PRKN: variants seen among roughly 807,000 people sequenced by gnomAD.
PRKN encodes parkin RBR E3 ubiquitin protein ligase.
In PRKN, 56 loss-of-function variants were observed where a neutral mutation model predicts 59.5. That is an observed-to-expected ratio of 0.94 (90% CI 0.76 to 1.18). The LOEUF is 1.18. PRKN is among the 50% of genes most tolerant of loss of function. The pLI, the probability that PRKN is intolerant of heterozygous loss-of-function variation, is 0.00. For synonymous variants in PRKN, 250 were observed against 222.1 expected (o/e 1.13, Z -1.12); for missense variants, 657 against 596.4 (o/e 1.10, Z -1.06).
intron 1 of PRKN, among the ~76,000 whole-genome samples, chr6:162,459,308 T>C (rs978693035): frequency 3.9e-5 from 6 of 152,078 alleles, no homozygotes; most frequent in African/African-American, 9.7e-5. Flanking sequence ...AAAACAGAAG[T>C]TATAAATAAT....
intron 6 of PRKN, among the ~76,000 whole-genome samples, chr6:161,809,607 C>T (rs1791479037): frequency 6.6e-6 from 1 of 152,162 alleles, no homozygotes. Context: ...CATTATTTAA[C>T]ATGTAAGTCA....
At chr6:161,959,216 T>C (rs1486278991) in intron 6 of PRKN, among the ~76,000 whole-genome samples, 1 of 152,154 alleles carries the variant, frequency 6.6e-6, no homozygotes, top group African/African-American at 2.4e-5. Flanking sequence ...TTCAAATAAG[T>C]ATTTGCTGCT....
chr6:161,888,904 C>T (rs562802438), intron 6 of PRKN, among the ~76,000 whole-genome samples: 1 of 152,122 alleles, frequency 6.6e-6, no homozygotes, highest in African/African-American at 2.4e-5. Flanking sequence ...TACTTACTGA[C>T]AAAGTCTCTC....
At chr6:161,639,845 T>C (rs1783672550) in intron 7 of PRKN, among the ~76,000 whole-genome samples, 2 of 152,242 alleles carry the variant, frequency 1.3e-5, no homozygotes, top group African/African-American at 4.8e-5. Context: ...TTGATATTTT[T>C]GCACAAGGCG....
At chr6:162,637,658 T>C (rs934335355) in intron 1 of PRKN, among the ~76,000 whole-genome samples, 2 of 152,174 alleles carry the variant, frequency 1.3e-5, no homozygotes, top group African/African-American at 4.8e-5. Context: ...CTTTTCCCTA[T>C]TAACTCTGAC....
At chr6:161,699,048 G>A (rs1028438122) in intron 7 of PRKN, among the ~76,000 whole-genome samples, 4 of 152,098 alleles carry the variant, frequency 2.6e-5, no homozygotes, top group African/African-American at 9.7e-5. Flanking sequence ...AATAATAAAA[G>A]TGTAATTAAG....
chr6:162,021,710 T>G (rs1378400433), intron 5 of PRKN, among the ~76,000 whole-genome samples: 3 of 152,094 alleles, frequency 2.0e-5, no homozygotes, highest in African/African-American at 4.8e-5. Flanking sequence ...TTTTAAATTT[T>G]AAATCCAGGT....
chr6:161,411,814 C>T (rs138957268), intron 9 of PRKN, among the ~76,000 whole-genome samples: 48 of 150,564 alleles, frequency 3.2e-4, no homozygotes, highest in East Asian at 2.6e-3. Flanking sequence ...CTCATTCCTC[C>T]ACTCATTCAT....
intron 2 of PRKN, among the ~76,000 whole-genome samples, chr6:162,396,751 C>A (rs1312657686): frequency 6.6e-6 from 1 of 152,164 alleles, no homozygotes; most frequent in African/African-American, 2.4e-5. Context: ...CCCATATGCA[C>A]ATGCACACAC....
chr6:161,358,955 C>A lies in PRKN; in HGVS notation c.1285+1133G>T, dbSNP rs187809403. Among the ~76,000 whole-genome samples, 5 of 151,972 alleles carry A rather than the reference C, an allele frequency of 3.3e-5. 1 individual carries two copies. Among genetic ancestry groups the A allele is most frequent in the African/African-American group, 1.2e-4 (5 of 41,474 alleles). On this transcript the variant is annotated intron_variant, in intron 11 of 11. Coordinates refer to ENST00000366898, the MANE Select transcript of PRKN (RefSeq NM_004562.3). The stretch of plus-strand genomic sequence containing the variant: ...GACTACAGGCGCCCGCCACCACACC[C>A]GGCTAATTTTTTGTATTTTTAGTAG...
Position 161,497,554 on chromosome 6 carries a change from GTCTC to G in PRKN, c.1083+51296_1083+51299del, listed in dbSNP as rs34342732. Among the ~76,000 whole-genome samples the G allele has an allele frequency of 4.7e-3, 695 of 148,638 alleles. 3 individuals are homozygous for G. Among genetic ancestry groups the G allele is most frequent in the African/African-American group, 0.013 (519 of 40,190 alleles). ...CTGTGTGTGTGCACAGTGCTTACAT[GTCTC>G]TCTCTCTCTCTCTCTCTCTCACACA... is the stretch of plus-strand genomic sequence containing the variant. On this transcript the variant is annotated intron_variant, in intron 9 of 11. Transcript: ENST00000366898. The surrounding 1 kb of genome is among the most constrained non-coding windows in gnomAD (Gnocchi z 4.6).
intron 2 of PRKN, among the ~76,000 whole-genome samples, chr6:162,401,095 G>A (rs10455906): frequency 0.24 from 37,141 of 151,900 alleles, 4,570 homozygotes; most frequent in African/African-American, 0.26. Context: ...AAAAGCAAGT[G>A]TTTTTAAAAA....
chr6:161,936,467 C>G (rs992562913), intron 6 of PRKN, among the ~76,000 whole-genome samples: 5 of 152,042 alleles, frequency 3.3e-5, no homozygotes, highest in African/African-American at 1.2e-4. Flanking sequence ...CCTTTGCCTC[C>G]CAAAGTGCTG....
intron 6 of PRKN, among the ~76,000 whole-genome samples, chr6:161,798,892 C>A (rs947718451): frequency 7.2e-5 from 11 of 152,154 alleles, no homozygotes; most frequent in Non-Finnish European, 1.5e-5. Context: ...GGTCAGGCGC[C>A]CCTCCACTGT....
At chr6:161,699,783 C>T (rs904555584) in intron 7 of PRKN, among the ~76,000 whole-genome samples, 2 of 152,082 alleles carry the variant, frequency 1.3e-5, no homozygotes, top group African/African-American at 4.8e-5. Context: ...AGAAGTTCAC[C>T]GTCCTGATGG....
intron 6 of PRKN, among the ~76,000 whole-genome samples, chr6:161,793,022 C>A (rs1411596002): frequency 1.3e-5 from 2 of 152,160 alleles, no homozygotes; most frequent in Admixed American, 6.5e-5. Context: ...CGGCACAGCG[C>A]CTGCCCACAA....
intron 1 of PRKN, among the ~76,000 whole-genome samples, chr6:162,452,374 A>G (rs1790667007): frequency 1.3e-5 from 2 of 152,112 alleles, no homozygotes; most frequent in Admixed American, 1.3e-4. Context: ...GCTTTATTCA[A>G]CATAATTTAT....
intron 1 of PRKN, among the ~76,000 whole-genome samples, chr6:162,510,490 A>G (rs990697620): frequency 6.6e-6 from 1 of 152,194 alleles, no homozygotes; most frequent in African/African-American, 2.4e-5. Context: ...GGCCAGCTGC[A>G]CCGAGGAAGC....
intron 7 of PRKN, among the ~76,000 whole-genome samples, chr6:161,608,994 T>C (rs1782388885): frequency 6.6e-6 from 1 of 152,182 alleles, no homozygotes; most frequent in African/African-American, 2.4e-5. Context: ...ACAGAATAGC[T>C]GTCAGGAGCT....
Sources: allele counts gnomAD v4.1 joint callset (sites outside exome capture counted in the v4.1 genomes callset), GRCh38; gene constraint gnomAD v4.1.1; non-coding constraint Gnocchi (gnomAD v3.1); transcripts MANE v1.5; gene names NCBI Gene and HGNC (gene_info 2026-07-23, HGNC 2026-07-21).